Variants in PARD3 observed in about 807,000 individuals in gnomAD.
The protein encoded by PARD3 is par-3 family cell polarity regulator.
In PARD3, 75 loss-of-function variants were observed where a neutral mutation model predicts 155.4. That is an observed-to-expected ratio of 0.48 (90% CI 0.40 to 0.58). PARD3 has a LOEUF of 0.58. Ranked by LOEUF, PARD3 falls within the 20% of genes least tolerant of loss-of-function variation. The pLI is 0.00. For synonymous variants in PARD3, 576 were observed against 610.5 expected, an observed-to-expected ratio of 0.94 and a Z score of 0.83; for missense variants, 1,642 against 1,721.7, an observed-to-expected ratio of 0.95 and a Z score of 0.82.
intron 22 of PARD3, chr10:34,201,945 G>C (rs1346500764): frequency 1.3e-5 from 2 of 152,170 alleles, no homozygotes; most frequent in African/African-American, 2.4e-5. Context: ...CAGGGGGCTT[G>C]CAAAGTATCA....
chr10:34,365,642 G>A (rs1251433420), intron 12 of PARD3, among the ~76,000 whole-genome samples: 3 of 152,170 alleles, frequency 2.0e-5, no homozygotes, highest in African/African-American at 7.2e-5. Flanking sequence ...AGGCTGAAGT[G>A]CAGTGGTATG....
At chr10:34,517,694 C>T (rs569794615) in intron 2 of PARD3, among the ~76,000 whole-genome samples, 3 of 152,126 alleles carry the variant, frequency 2.0e-5, no homozygotes, top group South Asian at 2.1e-4. Flanking sequence ...CTCTACTACA[C>T]GCCCCCCACA....
chr10:34,175,721 A>G (rs952447159), intron 22 of PARD3, among the ~76,000 whole-genome samples: 16 of 152,376 alleles, frequency 1.1e-4, no homozygotes, highest in Non-Finnish European at 2.1e-4. Flanking sequence ...TTAGAAGGAA[A>G]TACAAAGTGA....
At chr10:34,627,601 C>A (rs2092046541) in intron 2 of PARD3, among the ~76,000 whole-genome samples, 1 of 152,140 alleles carries the variant, frequency 6.6e-6, no homozygotes, top group Admixed American at 6.5e-5. Context: ...CAGGGCTGGA[C>A]TGATGCACCT....
chr10:34,543,250 G>A (rs1034586382), intron 2 of PARD3, among the ~76,000 whole-genome samples: 42 of 151,970 alleles, frequency 2.8e-4, no homozygotes, highest in African/African-American at 9.7e-5. Flanking sequence ...TAGCCTGGGC[G>A]TCAGAGCAAA....
intron 22 of PARD3, among the ~76,000 whole-genome samples, chr10:34,247,159 T>C (rs191360536): frequency 1.1e-4 from 17 of 151,316 alleles, no homozygotes; most frequent in African/African-American, 4.1e-4. Flanking sequence ...TTATTAGACA[T>C]AGAAAGGAAG....
At chr10:34,659,351 A>G (rs1202783822) in intron 2 of PARD3, among the ~76,000 whole-genome samples, 4 of 152,228 alleles carry the variant, frequency 2.6e-5, no homozygotes, top group Non-Finnish European at 5.9e-5. Flanking sequence ...CACTTGCAAA[A>G]AAGTAGAGAG....
chr10:34,528,737 T>A (rs1418236225), intron 2 of PARD3, among the ~76,000 whole-genome samples: 1 of 152,138 alleles, frequency 6.6e-6, no homozygotes, highest in African/African-American at 2.4e-5. Context: ...CTGCGGGGTG[T>A]CATTAACACA....
intron 3 of PARD3, among the ~76,000 whole-genome samples, chr10:34,509,250 C>G (rs1158247485): frequency 6.6e-6 from 1 of 152,176 alleles, no homozygotes; most frequent in East Asian, 1.9e-4. Flanking sequence ...TGGGAGCATG[C>G]AAAGACCTTC....
chr10:34,523,027 C>T (rs919208462), intron 2 of PARD3, among the ~76,000 whole-genome samples: 1 of 152,178 alleles, frequency 6.6e-6, no homozygotes, highest in Non-Finnish European at 1.5e-5. Context: ...ACGTAATAAC[C>T]TGCCTTTACC....
At chr10:34,538,763 A>G (rs1214089502) in intron 2 of PARD3, among the ~76,000 whole-genome samples, 1 of 152,214 alleles carries the variant, frequency 6.6e-6, no homozygotes, top group Non-Finnish European at 1.5e-5. Context: ...GGCTGCAGAA[A>G]CGCAGGGGTG....
chr10:34,735,695 G>C (rs966028591), intron 1 of PARD3, among the ~76,000 whole-genome samples: 1 of 152,070 alleles, frequency 6.6e-6, no homozygotes, highest in Non-Finnish European at 1.5e-5. Context: ...ATTCTCATCA[G>C]GCCCTTTGCA....
intron 2 of PARD3, among the ~76,000 whole-genome samples, chr10:34,673,586 C>A (rs2093645978): frequency 6.6e-6 from 1 of 152,166 alleles, no homozygotes; most frequent in East Asian, 1.9e-4. Flanking sequence ...GAACACATTA[C>A]TCCTTTAGGG....
intron 22 of PARD3, among the ~76,000 whole-genome samples, chr10:34,252,735 T>C (rs889361828): frequency 6.6e-6 from 1 of 150,568 alleles, no homozygotes. Context: ...ACTTTATATA[T>C]ATGTGTATGT....
chr10:34,457,720 A>T (rs1238720970), intron 4 of PARD3, among the ~76,000 whole-genome samples: 1 of 151,384 alleles, frequency 6.6e-6, no homozygotes, highest in Non-Finnish European at 1.5e-5. Context: ...CCCATCTCAG[A>T]CTCCCAAGTA....
chr10:34,772,537 A>T (rs1369710938), intron 1 of PARD3, among the ~76,000 whole-genome samples: 1 of 151,120 alleles, frequency 6.6e-6, no homozygotes, highest in African/African-American at 2.4e-5. Flanking sequence ...CACGCCTGTA[A>T]TCCCAGCACT....
chr10:34,561,821 T>C (rs1020565998), intron 2 of PARD3, among the ~76,000 whole-genome samples: 8 of 151,136 alleles, frequency 5.3e-5, no homozygotes, highest in African/African-American at 1.9e-4. Context: ...CCCGGCCCTG[T>C]AACGCACATT....
At chr10:34,239,311 T>C (rs1185812595) in intron 22 of PARD3, among the ~76,000 whole-genome samples, 1 of 152,162 alleles carries the variant, frequency 6.6e-6, no homozygotes, top group East Asian at 1.9e-4. Flanking sequence ...GATGGAAGGG[T>C]GCTCACTGGC....
intron 2 of PARD3, among the ~76,000 whole-genome samples, chr10:34,528,737 T>G (rs1418236225): frequency 6.6e-6 from 1 of 152,138 alleles, no homozygotes; most frequent in African/African-American, 2.4e-5. Flanking sequence ...CTGCGGGGTG[T>G]CATTAACACA....
Sources: allele counts gnomAD v4.1 joint callset (sites outside exome capture counted in the v4.1 genomes callset), GRCh38; gene constraint gnomAD v4.1.1; transcripts MANE v1.5; gene names NCBI Gene and HGNC (gene_info 2026-07-23, HGNC 2026-07-21).